Variants in COL2A1 observed in about 807,000 individuals in gnomAD.
COL2A1 encodes collagen alpha-1(II) chain.
A neutral mutation model predicts 204.5 loss-of-function variants in COL2A1; 28 were observed. That is an observed-to-expected ratio of 0.14 (90% CI 0.10 to 0.19). The LOEUF (loss-of-function observed/expected upper bound fraction) is 0.19, where lower values mean the gene tolerates loss of function less well. Among genes scored for constraint, COL2A1 ranks in the 10% least tolerant of loss-of-function variants. The probability of loss-of-function intolerance (pLI) is 1.00; values close to 1 mark genes in which losing one functional copy is unlikely to be tolerated. For synonymous variants in COL2A1, 708 were observed against 718.7 expected (o/e 0.99, Z 0.24); for missense variants, 1,388 against 2,027.5 (o/e 0.68, Z 6.06).
In COL2A1 at chr12:47,973,294, T is replaced by A; in HGVS notation, c.*113A>T. ...CCGAACTGTGAGAGGGTGGGATGAATGGACATCAGGTCAGGTCAGCCATTC... is the reference window on the plus strand; with the variant it reads ...CCGAACTGTGAGAGGGTGGGATGAAAGGACATCAGGTCAGGTCAGCCATTC... On this transcript the variant is annotated 3_prime_UTR_variant, in exon 54 of 54. Transcript: ENST00000380518. The A allele has an allele frequency of 7.2e-7, 1 of 1,392,260 alleles. No individual in the cohort carries two copies. Among genetic ancestry groups the A allele is most frequent in the Non-Finnish European group, 1.0e-6 (1 of 977,660 alleles). 86.2% of individuals were successfully genotyped at this position (1,392,260 alleles called of 1,614,324 possible).
Position 47,976,757 on chromosome 12 carries a change from T to A in COL2A1, c.3435+55A>T, listed in dbSNP as rs1254433176. 2.0e-6 allele frequency: 3 copies of A among 1,525,532 alleles called. No individual in the cohort carries two copies. The highest frequency in any genetic ancestry group is 1.2e-5 in the South Asian group (1 of 86,682). 94.5% of individuals were successfully genotyped at this position (1,525,532 alleles called of 1,614,324 possible). On this transcript the variant is annotated intron_variant, in intron 48 of 53. Coordinates refer to ENST00000380518, the MANE Select transcript of COL2A1 (RefSeq NM_001844.5). The surrounding 1 kb of genome is among the most constrained non-coding windows in gnomAD (Gnocchi z 4.3). ...GTCCTGGCAGCACAGGGAGCTCAAG[T>A]GGGCTCTGTGTGGCAGGAGGCCTCG...
In COL2A1 at chr12:47,985,748, G is replaced by A; in HGVS notation, c.1660C>T (p.Pro554Ser). ...CTTACCCGGGCTCCAGGAAGGCCAGGTTCTCCAGGACGGCCAGGGTCACCG... is the reference window on the plus strand; with the variant it reads ...CTTACCCGGGCTCCAGGAAGGCCAGATTCTCCAGGACGGCCAGGGTCACCG... ...ANGDPGRPGE[P>S]GLPGARGLTG... is the part of the protein sequence containing the mutation. Residue 554 changes from proline to serine, a missense_variant, in exon 25 of 54, where the codon CCT becomes TCT. Around this residue, in one of 3 missense-constraint regions of COL2A1, gnomAD observed 884 missense variants for 1,415.8 expected, o/e 0.62. Transcript: ENST00000380518. 6.2e-7 allele frequency: 1 copy of A among 1,613,982 alleles called. No homozygotes were observed. The highest frequency in any genetic ancestry group is 8.5e-7 in the Non-Finnish European group (1 of 1,179,952).
intron 11 of COL2A1, 23 bp from the exon 12 acceptor site, chr12:47,994,500 C>A (rs779245655): frequency 6.2e-7 from 1 of 1,613,166 alleles, no homozygotes; most frequent in Non-Finnish European, 8.5e-7. Context: ...AGAGAGATAT[C>A]CCAGCTTCCT....
intron 40 of COL2A1, among the ~76,000 whole-genome samples, 163 bp from the exon 41 acceptor site, chr12:47,979,727 G>T (rs1311734626): frequency 6.6e-6 from 1 of 152,184 alleles, no homozygotes; most frequent in Non-Finnish European, 1.5e-5. Flanking sequence ...CCCGGGTCTG[G>T]TCATAGAAGC....
chr12:47,974,870 G>A lies in COL2A1; in HGVS notation c.3887-8C>T, dbSNP rs1216800127. ...GGTCAATCCAGTAGTCTCCTGCAGG[G>A]GGAAGAGGCAGCACCCATGGGGGCT... On this transcript the variant is annotated splice_polypyrimidine_tract_variant and splice_region_variant and intron_variant, in intron 51 of 53. Transcript: ENST00000380518. 2 of 1,612,058 alleles carry A rather than the reference G, an allele frequency of 1.2e-6. No homozygotes were observed. The highest frequency in any genetic ancestry group is 1.3e-5 in the African/African-American group (1 of 74,796).
chr12:47,980,179 A>G lies in COL2A1; in HGVS notation c.2626-117T>C. The G allele has an allele frequency of 1.1e-6, 1 of 941,284 alleles. No homozygotes were observed. The highest frequency in any genetic ancestry group is 1.7e-6 in the Non-Finnish European group (1 of 595,132). The allele number at this position is 941,284 out of a possible 1,614,324, so 58.3% of individuals were successfully genotyped here. A position where few individuals can be genotyped will look rare whatever the true frequency, so the allele number is the denominator to read the frequency against. On this transcript the variant is annotated intron_variant, in intron 39 of 53. Transcript: ENST00000380518. The surrounding 1 kb of genome is among the most constrained non-coding windows in gnomAD (Gnocchi z 4.5). Reference sequence around the variant, plus strand: ...TCGAAGATGCAGCTTTCTTGGCACTAAAAACCCAGCCTGAAGAGGCTGCCA... The same window carrying G: ...TCGAAGATGCAGCTTTCTTGGCACTGAAAACCCAGCCTGAAGAGGCTGCCA...
Position 47,998,010 on chromosome 12 carries a change from AAG to A in COL2A1, c.375+20_375+21del, listed in dbSNP as rs1940044102. On this transcript the variant is annotated intron_variant, in intron 5 of 53. Coordinates refer to ENST00000380518, the MANE Select transcript of COL2A1 (RefSeq NM_001844.5). Reference sequence around the variant, plus strand: ...GCGCGCAGCGAGGAAGGGACGGAGAAAGAGATTTCTCCCTCTCTTACCTGAGG... The same window carrying A: ...GCGCGCAGCGAGGAAGGGACGGAGAAAGATTTCTCCCTCTCTTACCTGAGG... 1.9e-6 allele frequency: 3 copies of A among 1,614,210 alleles called. No individual in the cohort carries two copies. Among genetic ancestry groups the A allele is most frequent in the Non-Finnish European group, 1.7e-6 (2 of 1,180,038 alleles).
chr12:47,981,245 C>G (rs1322437548), intron 37 of COL2A1, 98 bp downstream of exon 37: 1 of 1,344,228 alleles, frequency 7.4e-7, no homozygotes, highest in Non-Finnish European at 1.0e-6. Flanking sequence ...TGGCAGCACA[C>G]AGGGCCACCA....
At position 47,975,519 on chromosome 12, in the gene COL2A1, C is replaced by T. The variant is rs767791258; in HGVS notation, c.3684G>A (p.Pro1228=). The change falls in exon 51 of 54, where the codon CCG becomes CCA. Residue 1228 remains proline, a synonymous_variant. Coordinates refer to ENST00000380518, the MANE Select transcript of COL2A1 (RefSeq NM_001844.5). ...GCAGGGGGTCGGGGCCCTTCTCTCT[C>T]GGGCCTAAGCCAGCAAAGGCGGACA... The part of the protein sequence containing the change: ...IDMSAFAGLG[P]REKGPDPLQY... The T allele has an allele frequency of 1.8e-5, 29 of 1,610,000 alleles. No homozygotes were observed. Among genetic ancestry groups the T allele is most frequent in the African/African-American group, 9.3e-5 (7 of 74,904 alleles).
At chr12:47,999,534 G>C (rs1169984367) in intron 2 of COL2A1, among the ~76,000 whole-genome samples, 2 of 152,104 alleles carry the variant, frequency 1.3e-5, no homozygotes, top group East Asian at 3.8e-4. Flanking sequence ...GAGAAGACAA[G>C]GTGTCGGTGG....
Position 47,978,125 on chromosome 12 carries a change from G to A in COL2A1, c.3004-8C>T, listed in dbSNP as rs1214532689. The A allele has an allele frequency of 3.1e-6, 5 of 1,610,862 alleles. No homozygotes were observed. The highest frequency in any genetic ancestry group is 3.4e-6 in the Non-Finnish European group (4 of 1,178,522). On this transcript the variant is annotated splice_region_variant and splice_polypyrimidine_tract_variant and intron_variant, in intron 43 of 53. Transcript: ENST00000380518. This position sits in a 1 kb window ranked among gnomAD's most constrained non-coding sequence, Gnocchi z 5.5. ...CTGCTTGCCGGGCTCACCCTGGAGG[G>A]ACAGAGACAAGGATGATGAGTGCAA...
intron 11 of COL2A1, 38 bp from the exon 12 acceptor site, chr12:47,994,515 G>C (rs1939857204): frequency 6.2e-7 from 1 of 1,611,116 alleles, no homozygotes; most frequent in African/African-American, 1.3e-5. Flanking sequence ...CTTCCTCAGA[G>C]ACGCAGTAGC....
At chr12:47,986,516 G>A in intron 22 of COL2A1, 73 bp from the exon 23 acceptor site, 2 of 907,894 alleles carry the variant, frequency 2.2e-6, no homozygotes, top group East Asian at 2.6e-5. Context: ...CTCAGAGTAT[G>A]AAGGAAGTAG....
upstream of COL2A1, among the ~76,000 whole-genome samples, chr12:48,004,814 C>G (rs1262608867): frequency 2.0e-5 from 3 of 152,192 alleles, no homozygotes; most frequent in African/African-American, 7.2e-5. Context: ...CGGAGTTCTG[C>G]CGGAGTTGGA....
chr12:47,984,041 A>C, intron 29 of COL2A1, 46 bp downstream of exon 29: 2 of 1,551,780 alleles, frequency 1.3e-6, no homozygotes, highest in Admixed American at 1.8e-5. Flanking sequence ...CACCCCTCCC[A>C]GCCCCTGCCC....
At position 47,978,895 on chromosome 12, in the gene COL2A1, T is replaced by A; in HGVS notation, c.2734-137A>T. On this transcript the variant is annotated intron_variant, in intron 41 of 53. Coordinates refer to ENST00000380518, the MANE Select transcript of COL2A1 (RefSeq NM_001844.5). This position sits in a 1 kb window ranked among gnomAD's most constrained non-coding sequence, Gnocchi z 5.5. ...CTCCCCACACTAAGGGCAGGCAGCT[T>A]AACCCCCCCAACCCCAATCTACCGC... 3.4e-6 allele frequency: 3 copies of A among 884,112 alleles called. No individual in the cohort carries two copies. Among genetic ancestry groups the A allele is most frequent in the Non-Finnish European group, 5.4e-6 (3 of 555,410 alleles). The allele number at this position is 884,112 out of a possible 1,614,324, so 54.8% of individuals were successfully genotyped here.
rs769826267 is a variant in COL2A1 at position 47,976,351 on chromosome 12, G to A, written c.3489+163C>T. ...TCTTACAGCCATTGTGGCCTCAGGC[G>A]CTTTTCTGGCCATAGGCACATGAGC... On this transcript the variant is annotated intron_variant, in intron 49 of 53. Coordinates refer to ENST00000380518, the MANE Select transcript of COL2A1 (RefSeq NM_001844.5). This position sits in a 1 kb window ranked among gnomAD's most constrained non-coding sequence, Gnocchi z 4.3. Among the ~76,000 whole-genome samples, 3 of 152,300 alleles carry A rather than the reference G, an allele frequency of 2.0e-5. No homozygotes were observed. Among genetic ancestry groups the A allele is most frequent in the Non-Finnish European group, 2.9e-5 (2 of 68,020 alleles).
chr12:47,994,077 A>G (rs1939832687), intron 12 of COL2A1, 30 bp from the exon 13 acceptor site: 1 of 1,613,540 alleles, frequency 6.2e-7, no homozygotes, highest in Non-Finnish European at 8.5e-7. Flanking sequence ...TGTTCAGAGC[A>G]CAGAGTAAAA....
In COL2A1 at chr12:47,976,560, G is replaced by T. The variant is rs1736588056; in HGVS notation, c.3443C>A (p.Ser1148Tyr). 7.4e-6 allele frequency: 12 copies of T among 1,614,132 alleles called. No individual in the cohort carries two copies. The highest frequency in any genetic ancestry group is 1.0e-5 in the Non-Finnish European group (12 of 1,180,056). The change falls in exon 49 of 54, where the codon TCT (serine) becomes TAT (tyrosine). Residue 1148 changes from serine to tyrosine, a missense_variant. Physicochemically the swap from Ser to Tyr is moderately radical, Grantham distance 144 (BLOSUM62 -2). Coordinates refer to ENST00000380518, the MANE Select transcript of COL2A1 (RefSeq NM_001844.5). This position sits in a 1 kb window ranked among gnomAD's most constrained non-coding sequence, Gnocchi z 4.3. ...LQGLPGPPGP[S>Y]GDQGASGPAG... ...AGGACCAGAAGCACCTTGGTCTCCA[G>T]AAGGACCCTGTGTAGAAGGAAGAGG...
Sources: allele counts gnomAD v4.1 joint callset (sites outside exome capture counted in the v4.1 genomes callset), GRCh38; gene constraint gnomAD v4.1.1; regional missense constraint gnomAD v4.1.1; non-coding constraint Gnocchi (gnomAD v3.1); transcripts MANE v1.5; gene names NCBI Gene and HGNC (gene_info 2026-07-23, HGNC 2026-07-21).